Variants in NUDT9 observed in about 807,000 individuals in gnomAD.
NUDT9 encodes ADP-ribose pyrophosphatase.
In NUDT9, 31 loss-of-function variants were observed where a neutral mutation model predicts 41.0. The observed-to-expected ratio is 0.76, with a 90% CI of 0.57 to 1.02. The LOEUF (loss-of-function observed/expected upper bound fraction) is 1.02. NUDT9 is among the 50% of genes least tolerant of loss of function. NUDT9 has a pLI of 0.00. For missense variants in NUDT9, 380 were observed against 431.4 expected (o/e 0.88, Z 1.06); for synonymous variants, 146 against 147.6 (o/e 0.99, Z 0.08).
At position 87,449,293 on chromosome 4, in the gene NUDT9, G is replaced by A. The variant is rs771268796; in HGVS notation, c.642+40G>A. On this transcript the variant is annotated intron_variant, in intron 5 of 7. Coordinates refer to ENST00000302174, the MANE Select transcript of NUDT9 (RefSeq NM_024047.5). ...TAAATTAGTGTTTAAGTTCCTTTTA[G>A]TTGCTTTACTTACTACAGGGTTATT... 2.8e-6 allele frequency: 3 copies of A among 1,070,262 alleles called. No individual in the cohort carries two copies. In the South Asian group the frequency reaches 3.8e-5, roughly 13 times the overall value. 66.3% of individuals were successfully genotyped at this position (1,070,262 alleles called of 1,614,324 possible).
At chr4:87,425,389 TC>T (rs1721364643) in intron 1 of NUDT9, among the ~76,000 whole-genome samples, 2 of 139,096 alleles carry the variant, frequency 1.4e-5, no homozygotes, top group Non-Finnish European at 3.1e-5. Flanking sequence ...AGTGTTCTTT[TC>T]CTTTTTTTTT....
intron 2 of NUDT9, among the ~76,000 whole-genome samples, chr4:87,437,314 G>C (rs1182291509): frequency 6.8e-6 from 1 of 147,080 alleles, no homozygotes; most frequent in Non-Finnish European, 1.5e-5. Flanking sequence ...TACAAATATA[G>C]TAAAGTGCAC....
chr4:87,441,952 CTAAG>C (rs1202286308), intron 4 of NUDT9, 37 bp downstream of exon 4: 1 of 1,464,310 alleles, frequency 6.8e-7, no homozygotes, highest in African/African-American at 1.4e-5. Flanking sequence ...TAGCAAAGAG[CTAAG>C]TGATAGAAAA....
chr4:87,451,782 A>C, intron 6 of NUDT9, 47 bp downstream of exon 6: 1 of 1,525,680 alleles, frequency 6.6e-7, no homozygotes, highest in Non-Finnish European at 8.9e-7. Flanking sequence ...TGGATTGATG[A>C]AAATGACTTA....
chr4:87,430,395 G>A (rs1397266925), intron 1 of NUDT9, among the ~76,000 whole-genome samples: 4 of 152,154 alleles, frequency 2.6e-5, no homozygotes, highest in African/African-American at 9.7e-5. Flanking sequence ...GATTTGTTGT[G>A]GCTTCAGTAG....
chr4:87,429,698 C>T (rs989867790), intron 1 of NUDT9, among the ~76,000 whole-genome samples: 5 of 142,240 alleles, frequency 3.5e-5, no homozygotes, highest in African/African-American at 1.3e-4. Context: ...GTTTCCCCCC[C>T]ATCTTTGCCA....
At position 87,450,112 on chromosome 4, in the gene NUDT9, C is replaced by G. The variant is rs537763256; in HGVS notation, c.642+859C>G. Among the ~76,000 whole-genome samples the G allele has an allele frequency of 3.2e-4, 48 of 152,124 alleles. 1 individual carries two copies. The South Asian group carries it at 9.1e-3, about 29-fold the overall frequency. ...TCCTGGCCTCAAGCAATCTGCCTGC[C>G]CCGGGGCCTCCCAAAGTGCTGGGAT... is the stretch of plus-strand genomic sequence containing the variant. On this transcript the variant is annotated intron_variant, in intron 5 of 7. Coordinates refer to ENST00000302174, the MANE Select transcript of NUDT9 (RefSeq NM_024047.5).
chr4:87,439,633 G>C (rs566020474), intron 3 of NUDT9, among the ~76,000 whole-genome samples: 1 of 152,192 alleles, frequency 6.6e-6, no homozygotes, highest in African/African-American at 2.4e-5. Context: ...TCCAGCCTGG[G>C]CAACAGAGTG....
In NUDT9 at chr4:87,459,116, AAAG is replaced by A. The variant is rs1434406530; in HGVS notation, c.*1098_*1100del. 9 of 152,244 alleles carry A rather than the reference AAAG, an allele frequency of 5.9e-5. No homozygotes were observed. The highest frequency in any genetic ancestry group is 5.9e-4 in the Admixed American group (9 of 15,292). The allele number at this position is 152,244 out of a possible 1,614,324, so 9.4% of individuals were successfully genotyped here. A position where few individuals can be genotyped will look rare whatever the true frequency, so the allele number is the denominator to read the frequency against. ...CCATGGAATACTATGCAGCCGTAAA[AAAG>A]AATAAGATCATGTCCTCTGAAAAGA... is the stretch of plus-strand genomic sequence containing the variant. On this transcript the variant is annotated 3_prime_UTR_variant, in exon 8 of 8. Coordinates refer to ENST00000302174, the MANE Select transcript of NUDT9 (RefSeq NM_024047.5).
chr4:87,446,318 G>A (rs925881346), intron 4 of NUDT9, among the ~76,000 whole-genome samples: 5 of 143,252 alleles, frequency 3.5e-5, no homozygotes, highest in Non-Finnish European at 6.0e-5. Flanking sequence ...GTGCTATCTC[G>A]GCTCACTGCA....
chr4:87,433,148 T>A (rs558445655), intron 1 of NUDT9, among the ~76,000 whole-genome samples: 1 of 152,242 alleles, frequency 6.6e-6, no homozygotes. Flanking sequence ...TTGTTGGGAG[T>A]AAATAGATAC....
At chr4:87,426,942 A>G (rs917192153) in intron 1 of NUDT9, among the ~76,000 whole-genome samples, 1 of 151,108 alleles carries the variant, frequency 6.6e-6, no homozygotes, top group African/African-American at 2.4e-5. Context: ...TGCCAAAAAA[A>G]AAAACAAAAA....
At position 87,447,780 on chromosome 4, in the gene NUDT9, T is replaced by C. The variant is rs868074822; in HGVS notation, c.531-1362T>C. Among the ~76,000 whole-genome samples the C allele has an allele frequency of 2.6e-5, 4 of 152,270 alleles. 1 individual carries two copies. In the Middle Eastern group the frequency reaches 0.014, roughly 518 times the overall value. On this transcript the variant is annotated intron_variant, in intron 4 of 7. Transcript: ENST00000302174. ...AGGGCCGGGTGGCTTACACCTGTAA[T>C]TGCAGCACTTTGGGATGCCGAGGTG...
At chr4:87,446,739 T>C (rs759221953) in intron 4 of NUDT9, among the ~76,000 whole-genome samples, 1 of 152,172 alleles carries the variant, frequency 6.6e-6, no homozygotes, top group Non-Finnish European at 1.5e-5. Flanking sequence ...ATAAAACAAC[T>C]ATGTTATAGG....
At chr4:87,436,224 ATTATT>A in intron 2 of NUDT9, among the ~76,000 whole-genome samples, 2 of 152,300 alleles carry the variant, frequency 1.3e-5, no homozygotes, top group South Asian at 4.1e-4. Context: ...CAAGAACAGT[ATTATT>A]AACTGTAGTC....
intron 7 of NUDT9, among the ~76,000 whole-genome samples, chr4:87,457,236 A>AT (rs34596563): frequency 0.25 from 31,327 of 126,816 alleles, 4,540 homozygotes; most frequent in Non-Finnish European, 0.31. Context: ...GATAATTTAA[A>AT]TTTTTTTTTT....
At position 87,422,930 on chromosome 4, in the gene NUDT9, G is replaced by A. The variant is rs149218317; in HGVS notation, c.25G>A (p.Ala9Thr). 2 of 1,612,052 alleles carry A rather than the reference G, an allele frequency of 1.2e-6. No homozygotes were observed. The highest frequency in any genetic ancestry group is 1.7e-6 in the Non-Finnish European group (2 of 1,179,776). ...CATGGCGGGACGCCTCCTGGGAAAG[G>A]CTTTAGCCGCGGTGTCTCTCTCTCT... Reference protein sequence around the residue: MAGRLLGKALAAVSLSLAL... With the variant: MAGRLLGKTLAAVSLSLAL... The change falls in exon 1 of 8, where the codon GCT (alanine) becomes ACT (threonine). Residue 9 changes from alanine to threonine, a missense_variant. By Grantham distance (58) the Ala-to-Thr change is moderately conservative. Coordinates refer to ENST00000302174, the MANE Select transcript of NUDT9 (RefSeq NM_024047.5).
At chr4:87,444,231 T>G (rs1160529214) in intron 4 of NUDT9, among the ~76,000 whole-genome samples, 1 of 152,198 alleles carries the variant, frequency 6.6e-6, no homozygotes, top group Non-Finnish European at 1.5e-5. Context: ...GGGGCTTTTC[T>G]TCAAGGAGAC....
At chr4:87,441,973 G>A (rs1722222124) in intron 4 of NUDT9, 58 bp downstream of exon 4, 3 of 1,228,690 alleles carry the variant, frequency 2.4e-6, no homozygotes, top group African/African-American at 1.5e-5. Flanking sequence ...AAAAATTGCA[G>A]ACTGTAGCTA....
Sources: allele counts gnomAD v4.1 joint callset (sites outside exome capture counted in the v4.1 genomes callset), GRCh38; gene constraint gnomAD v4.1.1; transcripts MANE v1.5; gene names NCBI Gene and HGNC (gene_info 2026-07-23, HGNC 2026-07-21).